The following ZG16B variants were observed in gnomAD, a reference collection of about 807,000 sequenced individuals.
ZG16B encodes pancreatic adenocarcinoma up-regulated factor.
ZG16B carries 8 observed loss-of-function variants against 7.0 expected under a neutral mutation model. That is an observed-to-expected ratio of 1.15 (90% CI 0.68 to 2.08). The LOEUF is 2.08. Among genes scored for constraint, ZG16B ranks in the 30% most tolerant of loss-of-function variants. The pLI, the probability that ZG16B is intolerant of heterozygous loss-of-function variation, is 0.00. For missense variants in ZG16B, 232 were observed against 211.0 expected (o/e 1.10, Z -0.62); for synonymous variants, 92 against 86.1 (o/e 1.07, Z -0.38).
In ZG16B at chr16:2,830,785, C is replaced by T. The variant is rs201239142; in HGVS notation, c.144C>T (p.Leu48=). ...GGCTGCGGGTGTCTGTAGGTCTTCTCCTGGTGAAAAGGTGAGTAGGGCTAT... is the reference window on the plus strand; with the variant it reads ...GGCTGCGGGTGTCTGTAGGTCTTCTTCTGGTGAAAAGGTGAGTAGGGCTAT... ...ITGLRVSVGL[L]LVKSVQVKLG... The change falls in exon 3 of 4, where the codon CTC becomes CTT. Residue 48 remains leucine, a synonymous_variant. Coordinates refer to ENST00000382280, the MANE Select transcript of ZG16B (RefSeq NM_145252.3). The T allele has an allele frequency of 6.2e-7, 1 of 1,609,534 alleles. No homozygotes were observed. The highest frequency in any genetic ancestry group is 8.5e-7 in the Non-Finnish European group (1 of 1,179,564).
chr16:2,830,341 G>A lies in ZG16B; in HGVS notation c.-28+13G>A. ...AGTCACAGGCGAGGTAAGGTGCTTG[G>A]CTCCATGGGTGGGGCCCGGCAAGGT... On this transcript the variant is annotated intron_variant, in intron 1 of 3. Transcript: ENST00000382280. 6.2e-7 allele frequency: 1 copy of A among 1,612,492 alleles called. No individual in the cohort carries two copies. Among genetic ancestry groups the A allele is most frequent in the Non-Finnish European group, 8.5e-7 (1 of 1,179,342 alleles).
Position 2,832,101 on chromosome 16 carries a change from C to G in ZG16B, c.461C>G (p.Pro154Arg). Residue 154 changes from proline (P) to arginine (R), a missense_variant, in exon 4 of 4, where the codon CCG becomes CGG. Coordinates refer to ENST00000382280, the MANE Select transcript of ZG16B (RefSeq NM_145252.3). ...GFEWNYPLEE[P>R]TTEPPVNLTY... ...GAATGGAATTATCCACTAGAGGAGC[C>G]GACCACTGAGCCACCAGTTAATCTC... The G allele has an allele frequency of 2.5e-6, 4 of 1,614,092 alleles. No individual in the cohort carries two copies. Among genetic ancestry groups the G allele is most frequent in the South Asian group, 1.1e-5 (1 of 91,076 alleles).
Position 2,831,887 on chromosome 16 carries a change from A to G in ZG16B, c.247A>G (p.Ile83Val). 2 of 1,614,156 alleles carry G rather than the reference A, an allele frequency of 1.2e-6. No individual in the cohort carries two copies. The highest frequency in any genetic ancestry group is 1.7e-6 in the Non-Finnish European group (2 of 1,180,038). Residue 83 changes from isoleucine (I) to valine (V), a missense_variant, in exon 4 of 4, where the codon ATC becomes GTC. Transcript: ENST00000382280. ...QEVTLQPGEY[I>V]TKVFVAFQAF... Reference sequence around the variant, plus strand: ...AGTCACCCTGCAGCCAGGCGAATACATCACAAAAGTCTTTGTCGCCTTCCA... The same window carrying G: ...AGTCACCCTGCAGCCAGGCGAATACGTCACAAAAGTCTTTGTCGCCTTCCA...
chr16:2,830,881 C>T (rs561442209), intron 3 of ZG16B, 85 bp downstream of exon 3: 21 of 1,441,662 alleles, frequency 1.5e-5, no homozygotes, highest in East Asian at 2.3e-5. Context: ...GGTAAGCACC[C>T]GTGGCCACTT....
rs1293571917 is a variant in ZG16B, at chr16:2,830,741, T to G, written c.100T>G (p.Tyr34Asp). 4 of 1,614,210 alleles carry G rather than the reference T, an allele frequency of 2.5e-6. No individual in the cohort carries two copies. The East Asian group carries it at 6.7e-5, about 27-fold the overall frequency. Residue 34 changes from tyrosine (Y) to aspartate (D), a missense_variant, in exon 3 of 4, where the codon TAC (tyrosine) becomes GAC (aspartate). By Grantham distance (160) the Tyr-to-Asp change is radical. Transcript: ENST00000382280. Reference protein sequence around the residue: ...GGKYFSTTEDYDHEITGLRVS... With the variant: ...GGKYFSTTEDDDHEITGLRVS... ...CAAGTATTTCAGCACCACTGAAGAC[T>G]ACGACCATGAAATCACAGGGCTGCG... is the stretch of plus-strand genomic sequence containing the variant.
intron 3 of ZG16B, chr16:2,831,026 C>T: frequency 1.9e-6 from 1 of 513,842 alleles, no homozygotes; most frequent in Admixed American, 3.2e-5. Flanking sequence ...AATGGCCCCT[C>T]TGTCCCCATG....
chr16:2,831,754 C>A, intron 3 of ZG16B, 42 bp from the exon 4 acceptor site: 2 of 1,577,948 alleles, frequency 1.3e-6, no homozygotes, highest in South Asian at 2.4e-5. Context: ...ATGTGCTGGG[C>A]CATCCCAGAT....
At chr16:2,830,360 G>A (rs747963137) in intron 1 of ZG16B, 32 bp downstream of exon 1, 98 of 1,609,450 alleles carry the variant, frequency 6.1e-5, no homozygotes, top group Non-Finnish European at 1.4e-5. Context: ...GTGGGGCCCG[G>A]CAAGGTCACA....
chr16:2,831,128 C>A, intron 3 of ZG16B: 1 of 261,872 alleles, frequency 3.8e-6, no homozygotes, highest in South Asian at 5.3e-5. Context: ...GAATATGAGT[C>A]GCAGAAGTGT....
Position 2,832,050 on chromosome 16 carries a change from T to C in ZG16B, c.410T>C (p.Leu137Pro), listed in dbSNP as rs2069260671. 6.2e-7 allele frequency: 1 copy of C among 1,614,052 alleles called. No individual in the cohort carries two copies. The highest frequency in any genetic ancestry group is 1.3e-5 in the African/African-American group (1 of 74,928). Residue 137 changes from leucine to proline, a missense_variant, in exon 4 of 4, where the codon CTC (leucine) becomes CCC (proline). Coordinates refer to ENST00000382280, the MANE Select transcript of ZG16B (RefSeq NM_145252.3). ...GTGGGCATCTATGGCCAGTATCAAC[T>C]CCTTGGCATCAAGAGCATTGGCTTT... is the stretch of plus-strand genomic sequence containing the variant. ...VLVGIYGQYQ[L>P]LGIKSIGFEW...
rs955848727 is a variant in ZG16B, at chr16:2,832,232, G to A, written c.*73G>A. The A allele has an allele frequency of 2.2e-5, 34 of 1,537,814 alleles. No homozygotes were observed. Among genetic ancestry groups the A allele is most frequent in the South Asian group, 1.8e-4 (14 of 79,634 alleles). ...CTGATGGTACTGGAGTAACTGAGTC[G>A]GGACGCTGAATCTGAATCCACCAAT... On this transcript the variant is annotated 3_prime_UTR_variant, in exon 4 of 4. Transcript: ENST00000382280.
At chr16:2,831,683 G>A (rs2069257119) in intron 3 of ZG16B, 113 bp from the exon 4 acceptor site, 3 of 1,470,612 alleles carry the variant, frequency 2.0e-6, no homozygotes, top group East Asian at 2.3e-5. Flanking sequence ...GGGACCCAAA[G>A]TCTGATGGTG....
Position 2,830,725 on chromosome 16 carries a change from C to T in ZG16B, c.84C>T (p.Phe28=), listed in dbSNP as rs2069249579. 5 of 1,614,218 alleles carry T rather than the reference C, an allele frequency of 3.1e-6. No individual in the cohort carries two copies. The Admixed American group carries it at 5.0e-5, about 16-fold the overall frequency. The change falls in exon 3 of 4, where the codon TTC becomes TTT. Residue 28 remains phenylalanine, a synonymous_variant. Coordinates refer to ENST00000382280, the MANE Select transcript of ZG16B (RefSeq NM_145252.3). ...ATGGCCCTGGAGGAGGCAAGTATTT[C>T]AGCACCACTGAAGACTACGACCATG... ...KMYGPGGGKY[F]STTEDYDHEI...
chr16:2,830,709 G>C lies in ZG16B; in HGVS notation c.68G>C (p.Gly23Ala). ...PTWAGKMYGPGGGKYFSTTED... is the reference protein window; with the variant it reads ...PTWAGKMYGPAGGKYFSTTED... ...TTTTCTTCAGAGATGTATGGCCCTG[G>C]AGGAGGCAAGTATTTCAGCACCACT... Residue 23 changes from glycine (G) to alanine (A), a missense_variant, in exon 3 of 4, where the codon GGA (glycine) becomes GCA (alanine). Gly to Ala is a moderately conservative substitution (Grantham distance 60). Transcript: ENST00000382280. The C allele has an allele frequency of 1.9e-6, 3 of 1,614,208 alleles. No individual in the cohort carries two copies. Among genetic ancestry groups the C allele is most frequent in the Non-Finnish European group, 2.5e-6 (3 of 1,180,022 alleles).
chr16:2,831,977 G>C lies in ZG16B; in HGVS notation c.337G>C (p.Asp113His), dbSNP rs777297145. The C allele has an allele frequency of 1.2e-6, 2 of 1,614,070 alleles. No individual in the cohort carries two copies. The highest frequency in any genetic ancestry group is 3.3e-5 in the Admixed American group (2 of 60,008). ...CCGCTATTTCTATTTTGGGAAGCTT[G>C]ATGGCCAGATCTCCTCTGCCTACCC... The part of the protein sequence containing the change: ...KDRYFYFGKL[D>H]GQISSAYPSQ... Residue 113 changes from aspartate (D) to histidine (H), a missense_variant, in exon 4 of 4, where the codon GAT becomes CAT. Asp to His is a moderately conservative substitution (Grantham distance 81). Transcript: ENST00000382280.
intron 2 of ZG16B, 34 bp from the exon 3 acceptor site, chr16:2,830,660 G>C (rs1567280533): frequency 6.2e-7 from 1 of 1,613,398 alleles, no homozygotes; most frequent in East Asian, 2.2e-5. Flanking sequence ...ACCGCATGGG[G>C]ATTTTCTTCC....
chr16:2,830,473 G>T lies in ZG16B; in HGVS notation c.32G>T (p.Gly11Val). Residue 11 changes from glycine to valine, a missense_variant, in exon 2 of 4, where the codon GGG becomes GTG. Coordinates refer to ENST00000382280, the MANE Select transcript of ZG16B (RefSeq NM_145252.3). MLLLLTLALLGGPTWAGKMYG... is the reference protein window; with the variant it reads MLLLLTLALLVGPTWAGKMYG... ...CTGCTGCTCACGCTTGCCCTCCTGG[G>T]GGGCCCCACCTGGGCAGGGAGTAAG... 1 of 1,599,614 alleles carries T rather than the reference G, an allele frequency of 6.3e-7. No individual in the cohort carries two copies. The highest frequency in any genetic ancestry group is 8.5e-7 in the Non-Finnish European group (1 of 1,173,406).
At chr16:2,830,861 CA>C in intron 3 of ZG16B, 65 bp downstream of exon 3, 1 of 1,576,810 alleles carries the variant, frequency 6.3e-7, no homozygotes, top group Non-Finnish European at 8.7e-7. Flanking sequence ...TTCAGGAACT[CA>C]GGGCAGGGGG....
At chr16:2,830,365 G>A in intron 1 of ZG16B, 37 bp downstream of exon 1, 2 of 1,609,154 alleles carry the variant, frequency 1.2e-6, no homozygotes, top group Non-Finnish European at 8.5e-7. Context: ...GCCCGGCAAG[G>A]TCACACTGGC....
Sources: allele counts gnomAD v4.1 joint callset, GRCh38; gene constraint gnomAD v4.1.1; transcripts MANE v1.5; gene names NCBI Gene and HGNC (gene_info 2026-07-23, HGNC 2026-07-21).